Variants in AUNIP observed in about 807,000 individuals in gnomAD.
AUNIP encodes the protein aurora kinase A- and ninein-interacting protein.
A neutral mutation model predicts 12.2 loss-of-function variants in AUNIP; 16 were observed. That is an observed-to-expected ratio of 1.31 (90% CI 0.88 to 1.99). AUNIP has a LOEUF of 1.99. AUNIP is among the 30% of genes most tolerant of loss of function. The pLI is 0.00. For synonymous variants in AUNIP, 142 were observed against 154.8 expected (o/e 0.92, Z 0.61); for missense variants, 411 against 419.1 (o/e 0.98, Z 0.17).
At chr1:25,832,404 C>CT (rs1461585854), downstream of AUNIP, 7 of 444,836 alleles carry the variant, frequency 1.6e-5, no homozygotes, top group Non-Finnish European at 2.7e-5. Context: ...GCCCAGCTGT[C>CT]ACTCACTCAG....
chr1:25,833,080 G>A (rs1260316278), downstream of AUNIP: 1 of 151,970 alleles, frequency 6.6e-6, no homozygotes, highest in African/African-American at 2.4e-5. Context: ...CCTTCTAGGG[G>A]GTTTCTTCCC....
intron 1 of AUNIP, among the ~76,000 whole-genome samples, chr1:25,856,442 G>A (rs28463301): frequency 0.022 from 3,267 of 151,710 alleles, 122 homozygotes; most frequent in African/African-American, 0.075. Context: ...CCAGGAGGCC[G>A]AGGCAGGTGG....
chr1:25,835,287 T>G lies in AUNIP; in HGVS notation c.780A>C (p.Glu260Asp). 6.3e-7 allele frequency: 1 copy of G among 1,597,460 alleles called. No individual in the cohort carries two copies. Among genetic ancestry groups the G allele is most frequent in the Non-Finnish European group, 8.6e-7 (1 of 1,165,704 alleles). ...YRESWNGENI[E>D]SVKQSRSPVS... ...CTGGACTACGGCTTTGTTTCACTGA[T>G]TCTATGTTTTCTCCATTCCAGGATT... Residue 260 changes from glutamate (E) to aspartate (D), a missense_variant, in exon 3 of 3, where the codon GAA becomes GAC. By Grantham distance (45) the Glu-to-Asp change is conservative. Transcript: ENST00000374298.
chr1:25,843,594 G>GAAAAAAAA (rs769525747), intron 1 of AUNIP, among the ~76,000 whole-genome samples: 1 of 31,890 alleles, frequency 3.1e-5, no homozygotes, highest in Non-Finnish European at 6.8e-5. Context: ...CTGTCTGTTT[G>GAAAAAAAA]AAAAAAAAAA....
intron 1 of AUNIP, among the ~76,000 whole-genome samples, chr1:25,856,093 G>T (rs1286113633): frequency 6.6e-6 from 1 of 152,154 alleles, no homozygotes; most frequent in Non-Finnish European, 1.5e-5. Flanking sequence ...GACCAGGCAC[G>T]GTGGCTCATG....
At chr1:25,838,778 T>A (rs1367555962) in intron 1 of AUNIP, among the ~76,000 whole-genome samples, 1 of 152,250 alleles carries the variant, frequency 6.6e-6, no homozygotes, top group Non-Finnish European at 1.5e-5. Context: ...TATTTCCATT[T>A]GCTTGTTAAA....
intron 1 of AUNIP, among the ~76,000 whole-genome samples, chr1:25,850,485 T>C (rs543351082): frequency 6.6e-6 from 1 of 152,202 alleles, no homozygotes; most frequent in Non-Finnish European, 1.5e-5. Context: ...GAGATGTTGA[T>C]AAGGACTGCA....
intron 1 of AUNIP, among the ~76,000 whole-genome samples, chr1:25,854,225 CAAAT>C (rs945484916): frequency 6.6e-6 from 1 of 151,974 alleles, no homozygotes; most frequent in Non-Finnish European, 1.5e-5. Context: ...AATAAACAAA[CAAAT>C]AAATAAATAA....
At chr1:25,840,336 G>C (rs1236241118) in intron 1 of AUNIP, among the ~76,000 whole-genome samples, 1 of 151,916 alleles carries the variant, frequency 6.6e-6, no homozygotes, top group Non-Finnish European at 1.5e-5. Context: ...ATGAAGCAGA[G>C]AGAAAAAAAT....
At chr1:25,853,925 G>C (rs2048440364) in intron 1 of AUNIP, among the ~76,000 whole-genome samples, 2 of 152,118 alleles carry the variant, frequency 1.3e-5, no homozygotes, top group African/African-American at 4.8e-5. Context: ...TTCATTAGAA[G>C]CAAGTTACGG....
At chr1:25,833,847 T>G (rs2048275220), downstream of AUNIP, among the ~76,000 whole-genome samples, 1 of 152,102 alleles carries the variant, frequency 6.6e-6, no homozygotes, top group African/African-American at 2.4e-5. Flanking sequence ...GCCTCTTAGA[T>G]ACCACATCAA....
At chr1:25,848,827 T>C (rs976818609) in intron 1 of AUNIP, among the ~76,000 whole-genome samples, 56 of 152,360 alleles carry the variant, frequency 3.7e-4, no homozygotes, top group African/African-American at 1.3e-3. Flanking sequence ...TACTGTTACA[T>C]ATCACTGCTG....
Position 25,837,440 on chromosome 1 carries a change from T to G in AUNIP, c.193A>C (p.Ile65Leu), listed in dbSNP as rs557388889. ...APSTGIHQRS[I>L]ASFFTLQPGK... ...GGCTGCAAGGTGAAGAAGGAAGCAA[T>G]GCTTCTCTGGTGAATGCCTGTAGAT... The change falls in exon 2 of 3, where the codon ATT becomes CTT. Residue 65 changes from isoleucine to leucine, a missense_variant. Ile to Leu is a conservative substitution (Grantham distance 5). Coordinates refer to ENST00000374298, the MANE Select transcript of AUNIP (RefSeq NM_024037.3). 2.2e-5 allele frequency: 35 copies of G among 1,613,994 alleles called. No homozygotes were observed. In the African/African-American group the frequency reaches 3.7e-4, roughly 17 times the overall value.
Position 25,838,056 on chromosome 1 carries a change from T to A in AUNIP, c.79-502A>T, listed in dbSNP as rs565189112. Among the ~76,000 whole-genome samples the A allele has an allele frequency of 1.6e-4, 23 of 146,172 alleles. No individual in the cohort carries two copies. The South Asian group carries it at 5.0e-3, about 31-fold the overall frequency. ...GAGTTCGAGACTAGCCTGACCAACA[T>A]GGCGAAACCCCGTCTCTACTAAAAA... On this transcript the variant is annotated intron_variant, in intron 1 of 2. Coordinates refer to ENST00000374298, the MANE Select transcript of AUNIP (RefSeq NM_024037.3).
At chr1:25,854,071 C>T (rs903099379) in intron 1 of AUNIP, among the ~76,000 whole-genome samples, 1 of 152,016 alleles carries the variant, frequency 6.6e-6, no homozygotes, top group African/African-American at 2.4e-5. Flanking sequence ...ATTAGCCGGG[C>T]ATAGTGGTGC....
chr1:25,852,746 C>CT (rs2048432941), intron 1 of AUNIP, among the ~76,000 whole-genome samples: 4 of 151,896 alleles, frequency 2.6e-5, no homozygotes, highest in Admixed American at 2.6e-4. Flanking sequence ...GGCCGAGATT[C>CT]TTTTTAATAA....
rs1041445174 is a variant in AUNIP at position 25,859,367 on chromosome 1, G to A, written c.-10C>T. ...GGCCTGTCCGCCTCATGGCCGCTGA[G>A]GAGACGAAGCCGGCAGGACGCCGGC... On this transcript the variant is annotated 5_prime_UTR_variant, in exon 1 of 3. Coordinates refer to ENST00000374298, the MANE Select transcript of AUNIP (RefSeq NM_024037.3). 4.0e-5 allele frequency: 61 copies of A among 1,517,830 alleles called. No homozygotes were observed. Among genetic ancestry groups the A allele is most frequent in the African/African-American group, 1.4e-4 (10 of 70,302 alleles). The allele number at this position is 1,517,830 out of a possible 1,614,324, so 94.0% of individuals were successfully genotyped here. A position where few individuals can be genotyped will look rare whatever the true frequency, so the allele number is the denominator to read the frequency against.
rs917388565 is a variant in AUNIP, at chr1:25,859,429, G to C, written c.-72C>G. The C allele has an allele frequency of 7.4e-7, 1 of 1,351,346 alleles. No homozygotes were observed. Among genetic ancestry groups the C allele is most frequent in the African/African-American group, 1.6e-5 (1 of 64,222 alleles). 83.7% of individuals were successfully genotyped at this position (1,351,346 alleles called of 1,614,324 possible). A position where few individuals can be genotyped will look rare whatever the true frequency, so the allele number is the denominator to read the frequency against. On this transcript the variant is annotated 5_prime_UTR_variant, in exon 1 of 3. Coordinates refer to ENST00000374298, the MANE Select transcript of AUNIP (RefSeq NM_024037.3). ...GCGCCTCAGGGAACGCCAGAACCGCGGCCGCCGACGTTCGGATCTCGCGCC... is the reference window on the plus strand; with the variant it reads ...GCGCCTCAGGGAACGCCAGAACCGCCGCCGCCGACGTTCGGATCTCGCGCC...
Position 25,835,677 on chromosome 1 carries a change from A to T in AUNIP, c.390T>A (p.Ala130=). Residue 130 remains alanine (A), a synonymous_variant, in exon 3 of 3, where the codon GCT becomes GCA. Coordinates refer to ENST00000374298, the MANE Select transcript of AUNIP (RefSeq NM_024037.3). ...TCTGGAGGGACTGAGGAGAGAGTCC[A>T]GCTTCCTGGATGTCTGCAGTGGTTG... ...ATSTTADIQE[A]GLSPQSLQTS... The T allele has an allele frequency of 6.2e-7, 1 of 1,614,230 alleles. No homozygotes were observed. The highest frequency in any genetic ancestry group is 8.5e-7 in the Non-Finnish European group (1 of 1,180,042).
Sources: gnomAD v4.1 joint callset for allele counts (sites outside exome capture counted in the v4.1 genomes callset) on GRCh38, gnomAD v4.1.1 for gene constraint, MANE v1.5 for transcripts, NCBI Gene and HGNC (gene_info 2026-07-23, HGNC 2026-07-21) for gene names.